PRKG1: variants seen among roughly 807,000 people sequenced by gnomAD.
PRKG1 encodes the protein cGMP-dependent protein kinase 1.
In PRKG1, 35 loss-of-function variants were observed where a neutral mutation model predicts 88.1. The ratio of observed to expected loss-of-function variants is 0.40; its 90% CI spans 0.30 to 0.53. The LOEUF is 0.53. PRKG1 is among the 20% of genes least tolerant of loss of function. PRKG1 has a pLI of 0.59. For missense variants in PRKG1, 540 were observed against 839.8 expected, an observed-to-expected ratio of 0.64 and a Z score of 4.41; for synonymous variants, 303 against 292.5, an observed-to-expected ratio of 1.04 and a Z score of -0.37.
intron 7 of PRKG1, among the ~76,000 whole-genome samples, chr10:52,107,988 G>A (rs763703794): frequency 6.6e-6 from 1 of 152,072 alleles, no homozygotes; most frequent in Non-Finnish European, 1.5e-5. Context: ...GATTTCTAGT[G>A]GTTATTTTAG....
intron 2 of PRKG1, among the ~76,000 whole-genome samples, chr10:51,209,212 T>A (rs1349472898): frequency 6.6e-6 from 1 of 152,190 alleles, no homozygotes; most frequent in Non-Finnish European, 1.5e-5. Flanking sequence ...ACGTTTTCCT[T>A]TTCTCCTGTA....
At chr10:51,826,990 A>G (rs567707537) in intron 4 of PRKG1, among the ~76,000 whole-genome samples, 28 of 152,168 alleles carry the variant, frequency 1.8e-4, no homozygotes, top group Non-Finnish European at 3.7e-4. Context: ...GAGACAGCCT[A>G]TATTGTACAG....
At chr10:52,291,977 G>T (rs1012118026) in intron 17 of PRKG1, among the ~76,000 whole-genome samples, 1 of 152,104 alleles carries the variant, frequency 6.6e-6, no homozygotes, top group Non-Finnish European at 1.5e-5. Context: ...TCATTGTTGT[G>T]TTGATTTGCA....
intron 12 of PRKG1, 128 bp from the exon 13 acceptor site, chr10:52,280,661 A>G: frequency 1.0e-6 from 1 of 955,580 alleles, no homozygotes; most frequent in South Asian, 1.5e-5. Flanking sequence ...TGTAACATTT[A>G]GCTAGCAGGA....
At chr10:52,120,271 G>A (rs1374990489) in intron 7 of PRKG1, among the ~76,000 whole-genome samples, 1 of 152,010 alleles carries the variant, frequency 6.6e-6, no homozygotes, top group African/African-American at 2.4e-5. Flanking sequence ...ATGAACTTTG[G>A]GGGATACATT....
intron 4 of PRKG1, among the ~76,000 whole-genome samples, chr10:51,872,280 TC>T (rs1265003336): frequency 6.6e-6 from 1 of 152,220 alleles, no homozygotes; most frequent in Admixed American, 6.5e-5. Context: ...TGCCTTAGTT[TC>T]CCCATCTATA....
At chr10:51,307,998 C>A (rs1841081993) in intron 2 of PRKG1, among the ~76,000 whole-genome samples, 1 of 151,924 alleles carries the variant, frequency 6.6e-6, no homozygotes, top group African/African-American at 2.4e-5. Context: ...AGTTTATTTC[C>A]CTCTTAAATC....
At chr10:52,187,760 G>A (rs1386393476) in intron 9 of PRKG1, among the ~76,000 whole-genome samples, 4 of 152,112 alleles carry the variant, frequency 2.6e-5, no homozygotes, top group African/African-American at 9.7e-5. Context: ...GCCAAACACT[G>A]GTCAATCTGA....
rs1333104857 is a variant in PRKG1 at position 52,294,569 on chromosome 10, G to T, written c.*669G>T. ...ATTCTGCTGAGACCTCTCATAGTAGGTATATATGAGTTTTCACAGAAGACT... is the reference window on the plus strand; with the variant it reads ...ATTCTGCTGAGACCTCTCATAGTAGTTATATATGAGTTTTCACAGAAGACT... On this transcript the variant is annotated 3_prime_UTR_variant, in exon 18 of 18. Transcript: ENST00000373980. The T allele has an allele frequency of 6.6e-6, 1 of 152,450 alleles. No homozygotes were observed. Among genetic ancestry groups the T allele is most frequent in the Non-Finnish European group, 1.5e-5 (1 of 67,992 alleles). The allele number at this position is 152,450 out of a possible 1,614,324, so 9.4% of individuals were successfully genotyped here.
At chr10:52,000,424 C>T (rs2133147941) in intron 5 of PRKG1, among the ~76,000 whole-genome samples, 1 of 152,130 alleles carries the variant, frequency 6.6e-6, no homozygotes, top group South Asian at 2.1e-4. Context: ...TGTGTATTTT[C>T]ATCTCTACAC....
At chr10:52,223,502 G>A (rs1016734844) in intron 9 of PRKG1, among the ~76,000 whole-genome samples, 3 of 151,938 alleles carry the variant, frequency 2.0e-5, no homozygotes, top group East Asian at 1.9e-4. Context: ...GTTCTATGTC[G>A]GCATGCTTCA....
At chr10:51,918,924 A>G (rs781198122) in intron 5 of PRKG1, among the ~76,000 whole-genome samples, 7 of 152,154 alleles carry the variant, frequency 4.6e-5, no homozygotes, top group Non-Finnish European at 7.3e-5. Context: ...GTTGGCATCT[A>G]AGGCATAAAT....
chr10:51,110,050 T>G (rs1380603566), intron 1 of PRKG1, among the ~76,000 whole-genome samples: 4 of 152,052 alleles, frequency 2.6e-5, no homozygotes, highest in Non-Finnish European at 1.5e-5. Context: ...ATTAAAAGAA[T>G]GATCATACTA....
At chr10:51,657,033 A>G (rs1840178686) in intron 3 of PRKG1, among the ~76,000 whole-genome samples, 1 of 152,166 alleles carries the variant, frequency 6.6e-6, no homozygotes, top group Non-Finnish European at 1.5e-5. Flanking sequence ...CTCCTACTGC[A>G]TAGTTATTGT....
chr10:51,549,798 C>A (rs1842536516), intron 3 of PRKG1, among the ~76,000 whole-genome samples: 1 of 152,048 alleles, frequency 6.6e-6, no homozygotes, highest in African/African-American at 2.4e-5. Context: ...GCCTTATTGA[C>A]TTTTTTGAGA....
In PRKG1 at chr10:51,814,752, TC is replaced by T. The variant is rs568123547; in HGVS notation, c.698+10063del. The stretch of plus-strand genomic sequence containing the variant: ...TTGTCATCTAGCATTTGCACAAATG[TC>T]TCCATATTGATCCATTTTTTATTAA... On this transcript the variant is annotated intron_variant, in intron 4 of 17. Transcript: ENST00000373980. Among the ~76,000 whole-genome samples the T allele has an allele frequency of 3.8e-4, 58 of 152,172 alleles. No homozygotes were observed. In the East Asian group the frequency reaches 0.011, roughly 29 times the overall value.
At chr10:51,476,672 A>AT (rs1170761315) in intron 3 of PRKG1, among the ~76,000 whole-genome samples, 1 of 152,036 alleles carries the variant, frequency 6.6e-6, no homozygotes, top group African/African-American at 2.4e-5. Flanking sequence ...TATGAAGCTT[A>AT]TAAGAACAGA....
At chr10:51,143,373 A>T (rs942563851) in intron 1 of PRKG1, among the ~76,000 whole-genome samples, 2 of 152,090 alleles carry the variant, frequency 1.3e-5, no homozygotes, top group African/African-American at 4.8e-5. Flanking sequence ...TTCTTTATTC[A>T]TTCATGCATT....
chr10:51,923,130 T>C (rs982514461), intron 5 of PRKG1, among the ~76,000 whole-genome samples: 7 of 152,126 alleles, frequency 4.6e-5, no homozygotes, highest in Non-Finnish European at 1.5e-5. Flanking sequence ...CAATTGATCC[T>C]TTATCATTAT....
Sources: allele counts gnomAD v4.1 joint callset (sites outside exome capture counted in the v4.1 genomes callset), GRCh38; gene constraint gnomAD v4.1.1; transcripts MANE v1.5; gene names NCBI Gene and HGNC (gene_info 2026-07-23, HGNC 2026-07-21).